Variants in DMD observed in about 807,000 individuals in gnomAD.
DMD encodes the protein dystrophin, also known as mutant dystrophin.
In DMD, 63 loss-of-function variants were observed where a neutral mutation model predicts 330.1. That is an observed-to-expected ratio of 0.19 (90% CI 0.16 to 0.24). The LOEUF (loss-of-function observed/expected upper bound fraction) is 0.24, where lower values mean the gene tolerates loss of function less well. Ranked by LOEUF, DMD falls within the 10% of genes least tolerant of loss-of-function variation. DMD has a pLI of 1.00. For missense variants in DMD, 3,344 were observed against 2,684.1 expected, an observed-to-expected ratio of 1.25 and a Z score of -5.43; for synonymous variants, 1,223 against 959.8, an observed-to-expected ratio of 1.27 and a Z score of -5.07.
intron 52 of DMD, among the ~76,000 whole-genome samples, chrX:31,705,386 T>C (rs1424333153): frequency 8.9e-6 from 1 of 112,822 alleles, no homozygotes; most frequent in Non-Finnish European, 1.9e-5. Flanking sequence ...TGATGGGAAA[T>C]GAACAGGGTT....
At chrX:32,995,044 G>A (rs36090513) in intron 2 of DMD, among the ~76,000 whole-genome samples, 7 of 111,500 alleles carry the variant, frequency 6.3e-5, no homozygotes, top group African/African-American at 2.3e-4. Context: ...GGTCAAGGCT[G>A]CAATGAGCCG....
chrX:33,202,628 C>T (rs1304121313), intron 1 of DMD, among the ~76,000 whole-genome samples: 1 of 111,881 alleles, frequency 8.9e-6, no homozygotes, highest in Admixed American at 9.5e-5. Flanking sequence ...TTTTGCCTCA[C>T]TGCTTCTTGC....
Position 32,652,280 on chromosome X carries a change from TC to T in DMD, c.961-7129del, listed in dbSNP as rs764003347. ...CAGGTATATCTCCTAATACTATCCC[TC>T]CCCCCTCCCCCCACCCCACTACGGG... On this transcript the variant is annotated intron_variant, in intron 9 of 78. Transcript: ENST00000357033. 2.5e-3 allele frequency among the ~76,000 whole-genome samples: 134 copies of T among 54,597 alleles called. 1 individual carries two copies. The highest frequency in any genetic ancestry group is 1.0e-2 in the African/African-American group (131 of 13,150). 47.4% of individuals were successfully genotyped at this position (54,597 alleles called of 115,157 possible). A position where few individuals can be genotyped will look rare whatever the true frequency, so the allele number is the denominator to read the frequency against.
chrX:32,605,396 A>G (rs113164628), intron 12 of DMD, among the ~76,000 whole-genome samples: 2,622 of 110,759 alleles, frequency 0.024, 77 homozygotes, highest in African/African-American at 0.081. Context: ...ATATACAAAA[A>G]TTAACTCAAA....
At chrX:32,674,802 T>C (rs1416576946) in intron 9 of DMD, among the ~76,000 whole-genome samples, 2 of 111,308 alleles carry the variant, frequency 1.8e-5, no homozygotes, top group East Asian at 5.7e-4. Context: ...TAGGCTTAGA[T>C]TAACAGAGAA....
intron 2 of DMD, among the ~76,000 whole-genome samples, chrX:32,899,196 T>C (rs2085999196): frequency 8.9e-6 from 1 of 112,415 alleles, no homozygotes; most frequent in Non-Finnish European, 1.9e-5. Flanking sequence ...CAGTATTCTT[T>C]CCAATTTACA....
Position 32,463,580 on chromosome X carries a change from A to G in DMD, c.3291T>C (p.Asp1097=). The G allele has an allele frequency of 8.6e-7, 1 of 1,157,083 alleles. No individual in the cohort carries two copies. Among genetic ancestry groups the G allele is most frequent in the Admixed American group, 2.5e-5 (1 of 40,627 alleles). Residue 1097 remains aspartate, a synonymous_variant, in exon 25 of 79, where the codon GAT becomes GAC. Coordinates refer to ENST00000357033, the MANE Select transcript of DMD (RefSeq NM_004006.3). ...QLKQCRLLVS[D]IQTIQPSLNS... ...TTAGACTGGGCTGAATTGTCTGAAT[A>G]TCACTGACTAAAAGCTAAGAAAATA...
chrX:32,482,442 T>C (rs1023494171), intron 21 of DMD, among the ~76,000 whole-genome samples: 6 of 111,759 alleles, frequency 5.4e-5, no homozygotes, highest in African/African-American at 1.9e-4. Flanking sequence ...CTCAGCATAA[T>C]GTCTTCAAGG....
At chrX:31,888,164 A>C (rs1180528162) in intron 47 of DMD, among the ~76,000 whole-genome samples, 1 of 111,424 alleles carries the variant, frequency 9.0e-6, no homozygotes, top group African/African-American at 3.3e-5. Flanking sequence ...CTAAGGAATA[A>C]AATTCTTGAT....
chrX:31,646,506 C>T (rs1014479474), intron 54 of DMD, among the ~76,000 whole-genome samples: 3 of 111,433 alleles, frequency 2.7e-5, no homozygotes, highest in African/African-American at 9.8e-5. Flanking sequence ...TTCTAGTGAG[C>T]TCATAGGTGA....
intron 55 of DMD, among the ~76,000 whole-genome samples, chrX:31,532,096 T>C (rs1302862960): frequency 4.4e-5 from 4 of 91,821 alleles, no homozygotes; most frequent in East Asian, 3.7e-4. Flanking sequence ...CCCAATCTAG[T>C]AAGGCAGGCC....
At chrX:31,298,714 C>A (rs1245898379) in intron 62 of DMD, among the ~76,000 whole-genome samples, 4 of 111,834 alleles carry the variant, frequency 3.6e-5, no homozygotes, top group Non-Finnish European at 7.5e-5. Context: ...GTAGGAAACC[C>A]TATTGGTGAG....
Position 32,736,958 on chromosome X carries a change from T to C in DMD, c.650-37665A>G, listed in dbSNP as rs1603311132. Reference sequence around the variant, plus strand: ...ACTTAAAAATTTCAGCAAACCAAAATGTTTGTTAAAATAACCATTAACCAC... The same window carrying C: ...ACTTAAAAATTTCAGCAAACCAAAACGTTTGTTAAAATAACCATTAACCAC... On this transcript the variant is annotated intron_variant, in intron 7 of 78. Transcript: ENST00000357033. 4.5e-5 allele frequency among the ~76,000 whole-genome samples: 5 copies of C among 110,161 alleles called. No homozygotes were observed. In the South Asian group the frequency reaches 1.9e-3, roughly 43 times the overall value.
chrX:33,159,103 C>T (rs1409264666), intron 1 of DMD: 2 of 111,789 alleles, frequency 1.8e-5, no homozygotes, highest in South Asian at 7.5e-4. Flanking sequence ...AAAATGATAG[C>T]TAACATTCAA....
At chrX:32,613,253 G>A (rs1257073084) in intron 12 of DMD, among the ~76,000 whole-genome samples, 1 of 111,106 alleles carries the variant, frequency 9.0e-6, no homozygotes, top group East Asian at 2.8e-4. Flanking sequence ...GCTAAATGTG[G>A]CAACCCTAAT....
chrX:32,677,824 G>T (rs923835704), intron 9 of DMD, among the ~76,000 whole-genome samples: 1 of 111,746 alleles, frequency 8.9e-6, no homozygotes, highest in Non-Finnish European at 1.9e-5. Flanking sequence ...ATTATAGCAC[G>T]ATTAAAAATA....
In DMD at chrX:32,492,316, T is replaced by C. The variant is rs780642856; in HGVS notation, c.2381-798A>G. On this transcript the variant is annotated intron_variant, in intron 19 of 78. Transcript: ENST00000357033. Reference sequence around the variant, plus strand: ...TCGCGCCACTGCACTCCAGCCTGGGTGACAGAGCGAGACTCTGTCTCATAT... The same window carrying C: ...TCGCGCCACTGCACTCCAGCCTGGGCGACAGAGCGAGACTCTGTCTCATAT... 9.8e-5 allele frequency among the ~76,000 whole-genome samples: 11 copies of C among 112,413 alleles called. No individual in the cohort carries two copies. The South Asian group carries it at 1.5e-3, about 15-fold the overall frequency.
At chrX:32,779,628 A>G (rs1278642180) in intron 7 of DMD, among the ~76,000 whole-genome samples, 1 of 100,284 alleles carries the variant, frequency 1.0e-5, no homozygotes, top group Non-Finnish European at 2.0e-5. Context: ...GCTGAGAATG[A>G]TGGTTTCCAG....
intron 7 of DMD, among the ~76,000 whole-genome samples, chrX:32,763,506 G>A (rs1019046764): frequency 9.0e-6 from 1 of 111,670 alleles, no homozygotes; most frequent in African/African-American, 3.3e-5. Context: ...TTTGGCACTT[G>A]TCAGCCTATG....
Sources: allele counts gnomAD v4.1 joint callset (sites outside exome capture counted in the v4.1 genomes callset), GRCh38; gene constraint gnomAD v4.1.1; transcripts MANE v1.5; gene names NCBI Gene and HGNC (gene_info 2026-07-23, HGNC 2026-07-21).